Variants in ZNF322 observed in about 807,000 individuals in gnomAD.
ZNF322 encodes the protein HLA complex group 12.
ZNF322 carries 1 observed loss-of-function variant against 18.3 expected under a neutral mutation model. That is an observed-to-expected ratio of 0.05 (90% CI 0.02 to 0.26). The LOEUF (loss-of-function observed/expected upper bound fraction) is 0.26. Among genes scored for constraint, ZNF322 ranks in the 10% least tolerant of loss-of-function variants. The probability of loss-of-function intolerance (pLI) is 1.00; values close to 1 mark genes in which losing one functional copy is unlikely to be tolerated. For missense variants in ZNF322, 36 were observed against 403.6 expected, an observed-to-expected ratio of 0.09 and a Z score of 7.80; for synonymous variants, 17 against 130.7, an observed-to-expected ratio of 0.13 and a Z score of 5.93.
chr6:26,642,664 T>A (rs1475801253), intron 3 of ZNF322, among the ~76,000 whole-genome samples: 5 of 152,206 alleles, frequency 3.3e-5, no homozygotes, highest in Admixed American at 6.5e-5. Flanking sequence ...CCTCAAAGCC[T>A]AACGTATCAC....
rs138644763 is a variant in ZNF322, at chr6:26,649,882, T to A, written c.-245-6154A>T. Among the ~76,000 whole-genome samples the A allele has an allele frequency of 3.8e-4, 57 of 151,044 alleles. No homozygotes were observed. The East Asian group carries it at 9.8e-3, about 26-fold the overall frequency. On this transcript the variant is annotated intron_variant, in intron 2 of 3. Coordinates refer to ENST00000415922, the MANE Select transcript of ZNF322 (RefSeq NM_024639.5). ...CCATGCCTGGCTAATTCTGTATTTT[T>A]AGTAGAGACGGGGTCTCTCCATGTT...
chr6:26,653,047 T>TAA (rs1554149351), intron 2 of ZNF322, among the ~76,000 whole-genome samples: 1 of 152,184 alleles, frequency 6.6e-6, no homozygotes, highest in Non-Finnish European at 1.5e-5. Context: ...CTGCATATAT[T>TAA]AAAAGGTATG....
intron 3 of ZNF322, among the ~76,000 whole-genome samples, chr6:26,642,195 T>C (rs1178052490): frequency 6.6e-6 from 1 of 152,202 alleles, no homozygotes; most frequent in African/African-American, 2.4e-5. Context: ...AACTTATTTA[T>C]GACACAGAGT....
At chr6:26,642,101 T>C (rs1224182786) in intron 3 of ZNF322, among the ~76,000 whole-genome samples, 4 of 152,238 alleles carry the variant, frequency 2.6e-5, no homozygotes, top group Non-Finnish European at 1.5e-5. Flanking sequence ...GAGGCAATAC[T>C]GCTCTTCACT....
intron 2 of ZNF322, among the ~76,000 whole-genome samples, chr6:26,645,760 G>A (rs1223900755): frequency 3.9e-5 from 6 of 151,926 alleles, no homozygotes; most frequent in African/African-American, 1.2e-4. Context: ...GGTCAGGTGC[G>A]GTGGCTCACG....
chr6:26,647,796 A>G (rs1765582460), intron 2 of ZNF322, among the ~76,000 whole-genome samples: 1 of 152,164 alleles, frequency 6.6e-6, no homozygotes. Flanking sequence ...ACAACTTCCT[A>G]ATTCTTTTTG....
At chr6:26,657,641 G>A (rs1765805510) in intron 2 of ZNF322, among the ~76,000 whole-genome samples, 1 of 152,028 alleles carries the variant, frequency 6.6e-6, no homozygotes, top group South Asian at 2.1e-4. Context: ...TTAGGGTTAG[G>A]ACTTAGTCTT....
intron 2 of ZNF322, among the ~76,000 whole-genome samples, chr6:26,657,250 C>CAA (rs113013082): frequency 3.1e-5 from 4 of 128,032 alleles, no homozygotes; most frequent in African/African-American, 5.7e-5. Context: ...GACTCCATCT[C>CAA]AAAAAAAAAA....
At chr6:26,648,374 T>C (rs1554148875) in intron 2 of ZNF322, among the ~76,000 whole-genome samples, 2 of 152,200 alleles carry the variant, frequency 1.3e-5, no homozygotes, top group African/African-American at 4.8e-5. Context: ...AAAACTACAA[T>C]AATTTTTACT....
At chr6:26,640,665 G>C (rs1343463500) in intron 3 of ZNF322, among the ~76,000 whole-genome samples, 4 of 152,100 alleles carry the variant, frequency 2.6e-5, no homozygotes, top group African/African-American at 9.7e-5. Context: ...GCCCCTAAAA[G>C]ACAGGGATTT....
chr6:26,653,076 G>A (rs1258020712), intron 2 of ZNF322, among the ~76,000 whole-genome samples: 2 of 151,908 alleles, frequency 1.3e-5, no homozygotes, highest in African/African-American at 4.8e-5. Flanking sequence ...TTTTGTTGTC[G>A]ACACTGTAAG....
At chr6:26,656,904 C>A (rs1287963888) in intron 2 of ZNF322, among the ~76,000 whole-genome samples, 5 of 152,030 alleles carry the variant, frequency 3.3e-5, no homozygotes, top group Non-Finnish European at 5.9e-5. Context: ...CATATCCAAG[C>A]TTTTTTTAGA....
chr6:26,653,297 T>C (rs1358159046), intron 2 of ZNF322, among the ~76,000 whole-genome samples: 1 of 152,136 alleles, frequency 6.6e-6, no homozygotes, highest in Admixed American at 6.5e-5. Context: ...TACAATCTCG[T>C]CCGGAGGGGA....
chr6:26,656,844 TAAG>T (rs1377581000), intron 2 of ZNF322, among the ~76,000 whole-genome samples: 2 of 151,912 alleles, frequency 1.3e-5, no homozygotes, highest in Non-Finnish European at 2.9e-5. Context: ...TGTGGGGCAT[TAAG>T]AAGAAGAAAA....
Position 26,645,343 on chromosome 6 carries a change from A to C in ZNF322, c.-245-1615T>G, listed in dbSNP as rs569291415. 2.0e-5 allele frequency among the ~76,000 whole-genome samples: 3 copies of C among 152,332 alleles called. No homozygotes were observed. In the East Asian group the frequency reaches 5.8e-4, roughly 29 times the overall value. ...ATTCTAGCCATAAGCTATCAAGGAG[A>C]GCAAGGACAATCTGAGAATGAGAGG... On this transcript the variant is annotated intron_variant, in intron 2 of 3. Transcript: ENST00000415922.
chr6:26,653,070 GT>G (rs1458481661), intron 2 of ZNF322, among the ~76,000 whole-genome samples: 1 of 152,154 alleles, frequency 6.6e-6, no homozygotes, highest in Admixed American at 6.5e-5. Flanking sequence ...AATGCATTTT[GT>G]TGTCGACACT....
At chr6:26,649,458 T>C (rs1473736915) in intron 2 of ZNF322, among the ~76,000 whole-genome samples, 3 of 151,724 alleles carry the variant, frequency 2.0e-5, no homozygotes, top group African/African-American at 2.4e-5. Context: ...CACACACCAA[T>C]ATAAACTCCC....
intron 2 of ZNF322, among the ~76,000 whole-genome samples, chr6:26,654,955 G>A (rs994633370): frequency 1.3e-5 from 2 of 152,140 alleles, no homozygotes; most frequent in Non-Finnish European, 2.9e-5. Flanking sequence ...AAAACATCAT[G>A]AGCCTCCTAA....
Position 26,649,692 on chromosome 6 carries a change from TATATA to T in ZNF322, c.-245-5969_-245-5965del, listed in dbSNP as rs1347378391. Among the ~76,000 whole-genome samples the T allele has an allele frequency of 5.3e-3, 429 of 80,958 alleles. 22 individuals are homozygous for T. Among genetic ancestry groups the T allele is most frequent in the South Asian group, 9.0e-3 (21 of 2,332 alleles). The allele number at this position is 80,958 out of a possible 152,430, so 53.1% of individuals were successfully genotyped here. ...GTGTGTGTGTATATATATATATATA[TATATA>T]TATATTTTTTTTTTTTTTTTTTTGA... On this transcript the variant is annotated intron_variant, in intron 2 of 3. Coordinates refer to ENST00000415922, the MANE Select transcript of ZNF322 (RefSeq NM_024639.5).
Sources: gnomAD v4.1 joint callset for allele counts (sites outside exome capture counted in the v4.1 genomes callset) on GRCh38, gnomAD v4.1.1 for gene constraint, MANE v1.5 for transcripts, NCBI Gene and HGNC (gene_info 2026-07-23, HGNC 2026-07-21) for gene names.